The following CSMD1 variants were observed in gnomAD, a reference collection of about 807,000 sequenced individuals.
CSMD1 encodes CUB and sushi domain-containing protein 1.
In CSMD1, 213 loss-of-function variants were observed where a neutral mutation model predicts 417.5. The observed-to-expected ratio is 0.51, with a 90% CI of 0.46 to 0.57. The LOEUF (loss-of-function observed/expected upper bound fraction) is 0.57. Among genes scored for constraint, CSMD1 ranks in the 20% least tolerant of loss-of-function variants. The pLI is 0.00. For missense variants in CSMD1, 6,923 were observed against 4,529.7 expected (o/e 1.53, Z -15.17); for synonymous variants, 2,862 against 1,736.8 (o/e 1.65, Z -16.11).
chr8:3,304,822 A>G (rs1398924537), intron 25 of CSMD1, among the ~76,000 whole-genome samples: 2 of 152,108 alleles, frequency 1.3e-5, no homozygotes, highest in African/African-American at 2.4e-5. Context: ...GAGAAAGACA[A>G]TGCTCACTCT....
At chr8:3,103,247 T>C (rs941073097) in intron 46 of CSMD1, among the ~76,000 whole-genome samples, 14 of 152,346 alleles carry the variant, frequency 9.2e-5, no homozygotes, top group African/African-American at 2.6e-4. Flanking sequence ...CTTCTCCCTG[T>C]AACCAGTTAT....
At chr8:4,641,954 A>C (rs999832326) in intron 1 of CSMD1, among the ~76,000 whole-genome samples, 6 of 152,198 alleles carry the variant, frequency 3.9e-5, no homozygotes, top group Non-Finnish European at 7.3e-5. Flanking sequence ...ACACTTTTCT[A>C]ATCTACAGTT....
chr8:3,994,679 G>A (rs573704940), intron 5 of CSMD1, among the ~76,000 whole-genome samples: 10 of 151,752 alleles, frequency 6.6e-5, no homozygotes, highest in East Asian at 3.9e-4. Flanking sequence ...CTTAAATTAC[G>A]AACCCAACGT....
chr8:4,973,957 A>G (rs1251862940), intron 1 of CSMD1, among the ~76,000 whole-genome samples: 1 of 152,182 alleles, frequency 6.6e-6, no homozygotes, highest in East Asian at 1.9e-4. Context: ...TTACAAAGCT[A>G]AGTCACTTAA....
At chr8:4,291,118 T>C (rs1044010024) in intron 3 of CSMD1, among the ~76,000 whole-genome samples, 5 of 152,188 alleles carry the variant, frequency 3.3e-5, no homozygotes, top group South Asian at 2.1e-4. Context: ...TAAATGTTTC[T>C]ATGACAGGAA....
chr8:3,454,528 C>T (rs1815976032), intron 12 of CSMD1, among the ~76,000 whole-genome samples: 1 of 152,146 alleles, frequency 6.6e-6, no homozygotes, highest in South Asian at 2.1e-4. Flanking sequence ...AATCTCTCAG[C>T]ATTTGCTTGT....
At chr8:3,356,751 C>T (rs1349305823) in intron 21 of CSMD1, among the ~76,000 whole-genome samples, 1 of 152,182 alleles carries the variant, frequency 6.6e-6, no homozygotes, top group African/African-American at 2.4e-5. Context: ...ATAGAAAGAG[C>T]CCTGGTGCTC....
chr8:4,809,175 C>G (rs768596782), intron 1 of CSMD1, among the ~76,000 whole-genome samples: 1 of 152,170 alleles, frequency 6.6e-6, no homozygotes, highest in Non-Finnish European at 1.5e-5. Context: ...ATGATAAATA[C>G]ACGTCTTGAT....
intron 7 of CSMD1, among the ~76,000 whole-genome samples, chr8:3,707,378 T>C (rs1234171411): frequency 2.6e-5 from 4 of 152,092 alleles, no homozygotes; most frequent in African/African-American, 9.7e-5. Context: ...AAAAACAATA[T>C]GCACAGATGC....
intron 5 of CSMD1, among the ~76,000 whole-genome samples, chr8:3,812,433 C>G (rs1585034936): frequency 6.6e-6 from 1 of 152,048 alleles, no homozygotes; most frequent in East Asian, 1.9e-4. Flanking sequence ...AATTAAAGTG[C>G]TCACAATGAT....
chr8:3,075,781 C>A (rs1479265619), intron 49 of CSMD1, among the ~76,000 whole-genome samples: 3 of 151,728 alleles, frequency 2.0e-5, no homozygotes, highest in Admixed American at 1.3e-4. Flanking sequence ...GTGGCTCATG[C>A]CTGTAATCTC....
At chr8:4,735,675 G>A (rs1262940936) in intron 1 of CSMD1, among the ~76,000 whole-genome samples, 3 of 152,170 alleles carry the variant, frequency 2.0e-5, no homozygotes, top group African/African-American at 4.8e-5. Flanking sequence ...CCATGTGCCA[G>A]ACACTTATTT....
chr8:3,478,267 C>G (rs1024221293), intron 11 of CSMD1, among the ~76,000 whole-genome samples: 36 of 152,262 alleles, frequency 2.4e-4, no homozygotes, highest in African/African-American at 6.7e-4. Context: ...TGCGGAACTG[C>G]GTGAAAAAGA....
intron 1 of CSMD1, among the ~76,000 whole-genome samples, chr8:4,650,713 T>C (rs1249140825): frequency 6.6e-6 from 1 of 152,212 alleles, no homozygotes; most frequent in African/African-American, 2.4e-5. Context: ...ATTTTACTGA[T>C]TTCTAATTAG....
intron 18 of CSMD1, among the ~76,000 whole-genome samples, chr8:3,375,638 C>T (rs1458083201): frequency 6.6e-6 from 1 of 151,806 alleles, no homozygotes; most frequent in East Asian, 1.9e-4. Context: ...GTGCAGAAAC[C>T]CCCAGTAGGA....
chr8:3,935,139 A>G (rs910835615), intron 5 of CSMD1, among the ~76,000 whole-genome samples: 6 of 152,162 alleles, frequency 3.9e-5, no homozygotes, highest in Non-Finnish European at 8.8e-5. Flanking sequence ...TGTCAGAAGT[A>G]AGATTTTTAA....
chr8:3,858,868 G>A (rs1382839368), intron 5 of CSMD1, among the ~76,000 whole-genome samples: 1 of 152,116 alleles, frequency 6.6e-6, no homozygotes, highest in African/African-American at 2.4e-5. Flanking sequence ...GCTCCAGTAG[G>A]ATCAGGTTTA....
At chr8:3,171,570 T>A (rs567442037) in intron 37 of CSMD1, among the ~76,000 whole-genome samples, 2 of 152,270 alleles carry the variant, frequency 1.3e-5, no homozygotes, top group South Asian at 4.1e-4. Context: ...CCTAGTTACT[T>A]ACCATGAAAC....
intron 2 of CSMD1, among the ~76,000 whole-genome samples, chr8:4,451,495 A>T (rs1799142812): frequency 1.3e-5 from 2 of 152,224 alleles, no homozygotes; most frequent in South Asian, 4.1e-4. Flanking sequence ...ATAGAGAAAT[A>T]TTAAACAAGT....
Sources: allele counts gnomAD v4.1 joint callset (sites outside exome capture counted in the v4.1 genomes callset), GRCh38; gene constraint gnomAD v4.1.1; transcripts MANE v1.5; gene names NCBI Gene and HGNC (gene_info 2026-07-23, HGNC 2026-07-21).